The following GPATCH11 variants were observed in gnomAD, a reference collection of about 807,000 sequenced individuals.
GPATCH11 encodes G-patch domain containing 11.
GPATCH11 carries 32 observed loss-of-function variants against 44.8 expected under a neutral mutation model. That is an observed-to-expected ratio of 0.71 (90% CI 0.54 to 0.96). The LOEUF (loss-of-function observed/expected upper bound fraction) is 0.96. GPATCH11 is among the 40% of genes least tolerant of loss of function. The pLI, the probability that GPATCH11 is intolerant of heterozygous loss-of-function variation, is 0.00. For missense variants in GPATCH11, 324 were observed against 303.1 expected (o/e 1.07, Z -0.51); for synonymous variants, 84 against 94.4 (o/e 0.89, Z 0.64).
chr2:37,088,644 G>A (rs1237262098), intron 2 of GPATCH11, among the ~76,000 whole-genome samples: 1 of 152,118 alleles, frequency 6.6e-6, no homozygotes, highest in Non-Finnish European at 1.5e-5. Flanking sequence ...GGCCTCCCGA[G>A]TAGTTGGGAC....
rs1467294352 is a variant in GPATCH11, at chr2:37,097,842, C to T, written c.*1579C>T. ...ATTCTGATGCCATTAGTCACTGTGACTTGGGCATCACTGCCCTTGATTCTA... is the reference window on the plus strand; with the variant it reads ...ATTCTGATGCCATTAGTCACTGTGATTTGGGCATCACTGCCCTTGATTCTA... On this transcript the variant is annotated 3_prime_UTR_variant, in exon 9 of 9. Coordinates refer to ENST00000674370, the MANE Select transcript of GPATCH11 (RefSeq NM_174931.4). 1 of 152,186 alleles carries T rather than the reference C, an allele frequency of 6.6e-6. No individual in the cohort carries two copies. The highest frequency in any genetic ancestry group is 2.4e-5 in the African/African-American group (1 of 41,440). 9.4% of individuals were successfully genotyped at this position (152,186 alleles called of 1,614,324 possible). A position where few individuals can be genotyped will look rare whatever the true frequency, so the allele number is the denominator to read the frequency against.
At chr2:37,089,589 A>AT in intron 2 of GPATCH11, 51 bp from the exon 3 acceptor site, 1 of 1,267,938 alleles carries the variant, frequency 7.9e-7, no homozygotes, top group Non-Finnish European at 1.1e-6. Flanking sequence ...AAAAAAAAAA[A>AT]GAAAAGAAAA....
rs1268075063 is a variant in GPATCH11 at position 37,095,575 on chromosome 2, TAA to T, written c.736+59_736+60del. On this transcript the variant is annotated intron_variant, in intron 8 of 8. Transcript: ENST00000674370. ...AGATGAATGCTCTCCAATTTTTAGT[TAA>T]AGTCATTTCCCACTGACAATGGAAA... is the stretch of plus-strand genomic sequence containing the variant. 27 of 1,466,602 alleles carry T rather than the reference TAA, an allele frequency of 1.8e-5. 1 individual carries two copies. The East Asian group carries it at 6.7e-4, about 36-fold the overall frequency. The allele number at this position is 1,466,602 out of a possible 1,614,324, so 90.8% of individuals were successfully genotyped here. A position where few individuals can be genotyped will look rare whatever the true frequency, so the allele number is the denominator to read the frequency against.
chr2:37,091,943 CATT>C lies in GPATCH11; in HGVS notation c.358_360del (p.Leu120del). 6.2e-7 allele frequency: 1 copy of C among 1,612,256 alleles called. No homozygotes were observed. Among genetic ancestry groups the C allele is most frequent in the Non-Finnish European group, 8.5e-7 (1 of 1,178,750 alleles). On this transcript the variant is annotated inframe_deletion, in exon 5 of 9. Transcript: ENST00000674370. ...AAAAGTGGCATTGGTCATGAGGCATCATTAAAACGGAAAGCAGAGGAAAAATTG... is the reference window on the plus strand; with the variant it reads ...AAAAGTGGCATTGGTCATGAGGCATCAAAACGGAAAGCAGAGGAAAAATTG...
At chr2:37,086,923 A>T (rs1247898967) in intron 1 of GPATCH11, among the ~76,000 whole-genome samples, 1 of 152,200 alleles carries the variant, frequency 6.6e-6, no homozygotes, top group African/African-American at 2.4e-5. Flanking sequence ...TAATGCAGAA[A>T]TGTATTAGTC....
chr2:37,089,991 T>C (rs1311953247), intron 3 of GPATCH11, 125 bp downstream of exon 3: 1 of 704,490 alleles, frequency 1.4e-6, no homozygotes, highest in Non-Finnish European at 2.4e-6. Flanking sequence ...CTTTTTAGTC[T>C]ATTATGTATT....
rs867631775 is a variant in GPATCH11 at position 37,096,506 on chromosome 2, G to C, written c.*243G>C. Reference sequence around the variant, plus strand: ...ACAATTTATTGCTATATTGTGATACGTGAGGGGTTTAAGGACACCAACAGG... The same window carrying C: ...ACAATTTATTGCTATATTGTGATACCTGAGGGGTTTAAGGACACCAACAGG... On this transcript the variant is annotated 3_prime_UTR_variant, in exon 9 of 9. Coordinates refer to ENST00000674370, the MANE Select transcript of GPATCH11 (RefSeq NM_174931.4). The C allele has an allele frequency of 2.5e-5, 11 of 442,090 alleles. No individual in the cohort carries two copies. The highest frequency in any genetic ancestry group is 1.9e-4 in the African/African-American group (9 of 48,068). The allele number at this position is 442,090 out of a possible 1,614,324, so 27.4% of individuals were successfully genotyped here.
chr2:37,086,290 G>A (rs895110246), intron 1 of GPATCH11, among the ~76,000 whole-genome samples: 5 of 152,164 alleles, frequency 3.3e-5, no homozygotes, highest in African/African-American at 4.8e-5. Flanking sequence ...TTTTCTGTAC[G>A]TATTTAAAAA....
At chr2:37,084,875 ACCTACT>A (rs1462392467) in intron 1 of GPATCH11, among the ~76,000 whole-genome samples, 2 of 151,882 alleles carry the variant, frequency 1.3e-5, no homozygotes, top group African/African-American at 2.4e-5. Flanking sequence ...ACAAAAACAA[ACCTACT>A]CCTACAGTCT....
chr2:37,098,630 G>A lies in GPATCH11; in HGVS notation c.*2367G>A, dbSNP rs1269522947. 1 of 152,244 alleles carries A rather than the reference G, an allele frequency of 6.6e-6. No homozygotes were observed. The highest frequency in any genetic ancestry group is 1.9e-4 in the East Asian group (1 of 5,202). 9.4% of individuals were successfully genotyped at this position (152,244 alleles called of 1,614,324 possible). ...CATGACAATTATGCTGAGAATGCCA[G>A]GATAACACTGATGGAACCCATGACT... On this transcript the variant is annotated 3_prime_UTR_variant, in exon 9 of 9. Coordinates refer to ENST00000674370, the MANE Select transcript of GPATCH11 (RefSeq NM_174931.4).
At position 37,099,151 on chromosome 2, in the gene GPATCH11, T is replaced by A. The variant is rs1453398304; in HGVS notation, c.*2888T>A. 1 of 152,222 alleles carries A rather than the reference T, an allele frequency of 6.6e-6. No homozygotes were observed. Among genetic ancestry groups the A allele is most frequent in the Non-Finnish European group, 1.5e-5 (1 of 68,034 alleles). The allele number at this position is 152,222 out of a possible 1,614,324, so 9.4% of individuals were successfully genotyped here. On this transcript the variant is annotated 3_prime_UTR_variant, in exon 9 of 9. Coordinates refer to ENST00000674370, the MANE Select transcript of GPATCH11 (RefSeq NM_174931.4). ...ATTCTAAAATGTCTAATTTTCTTAA[T>A]TAAAAATCCAGAATTCTGTAGTTTC...
rs1672877315 is a variant in GPATCH11, at chr2:37,084,575, G to C, written c.-14+5G>C. ...GGGCGAGCAGAGAGCTGTCAGGTAAGAGAGCTGTCAGGTAAGGGTCTGGGG... is the reference window on the plus strand; with the variant it reads ...GGGCGAGCAGAGAGCTGTCAGGTAACAGAGCTGTCAGGTAAGGGTCTGGGG... On this transcript the variant is annotated splice_donor_5th_base_variant and intron_variant, in intron 1 of 8. Coordinates refer to ENST00000674370, the MANE Select transcript of GPATCH11 (RefSeq NM_174931.4). 1 of 1,232,360 alleles carries C rather than the reference G, an allele frequency of 8.1e-7. No homozygotes were observed. Among genetic ancestry groups the C allele is most frequent in the Admixed American group, 4.2e-5 (1 of 23,728 alleles). 76.3% of individuals were successfully genotyped at this position (1,232,360 alleles called of 1,614,324 possible).
In GPATCH11 at chr2:37,094,195, C is replaced by G; in HGVS notation, c.654C>G (p.Ser218Arg). The G allele has an allele frequency of 6.6e-7, 1 of 1,517,206 alleles. No homozygotes were observed. Among genetic ancestry groups the G allele is most frequent in the Non-Finnish European group, 9.0e-7 (1 of 1,114,632 alleles). 94.0% of individuals were successfully genotyped at this position (1,517,206 alleles called of 1,614,324 possible). A position where few individuals can be genotyped will look rare whatever the true frequency, so the allele number is the denominator to read the frequency against. ...DEDEYKSEDLSVLEKLQILTS... is the reference protein window; with the variant it reads ...DEDEYKSEDLRVLEKLQILTS... The stretch of plus-strand genomic sequence containing the variant: ...ATGAATATAAGAGTGAAGATTTAAG[C>G]GTATGCTTTGCACCATTTCCTTCAT... The change falls in exon 7 of 9, where the codon AGC becomes AGG. Residue 218 changes from serine to arginine, a missense_variant and splice_region_variant. By Grantham distance (110) the Ser-to-Arg change is moderately radical (BLOSUM62 -1). Coordinates refer to ENST00000674370, the MANE Select transcript of GPATCH11 (RefSeq NM_174931.4).
chr2:37,091,896 A>G lies in GPATCH11; in HGVS notation c.329-20A>G. The G allele has an allele frequency of 6.2e-7, 1 of 1,602,890 alleles. No homozygotes were observed. The highest frequency in any genetic ancestry group is 8.5e-7 in the Non-Finnish European group (1 of 1,173,520). ...GCACAAAGTCAGGATGTTTCTCATC[A>G]GAATTTTCTGTTTGAATAGGGAAAA... On this transcript the variant is annotated intron_variant, in intron 4 of 8. Transcript: ENST00000674370.
At chr2:37,089,518 G>A in intron 2 of GPATCH11, 122 bp from the exon 3 acceptor site, 1 of 728,086 alleles carries the variant, frequency 1.4e-6, no homozygotes, top group Non-Finnish European at 2.2e-6. Flanking sequence ...AGTGAGCCAA[G>A]ATTATGCCAT....
chr2:37,087,178 C>T (rs1673089774), intron 1 of GPATCH11, among the ~76,000 whole-genome samples: 2 of 152,202 alleles, frequency 1.3e-5, no homozygotes. Context: ...CTGGCTGGGT[C>T]ATCTCGTCCC....
intron 1 of GPATCH11, among the ~76,000 whole-genome samples, chr2:37,086,564 T>C (rs1396037147): frequency 1.3e-5 from 2 of 152,020 alleles, no homozygotes; most frequent in African/African-American, 4.8e-5. Flanking sequence ...GGAGACCGAG[T>C]GAGGCAGGTG....
chr2:37,089,876 A>C lies in GPATCH11; in HGVS notation c.286+10A>C. ...GCACTTGGCAAGAGTGGTAAGTCAC[A>C]TGTGGAAATAAACAGGTATTCCTTA... On this transcript the variant is annotated intron_variant, in intron 3 of 8. Coordinates refer to ENST00000674370, the MANE Select transcript of GPATCH11 (RefSeq NM_174931.4). 1 of 1,533,772 alleles carries C rather than the reference A, an allele frequency of 6.5e-7. No homozygotes were observed. The highest frequency in any genetic ancestry group is 1.2e-5 in the South Asian group (1 of 83,684).
In GPATCH11 at chr2:37,099,111, A is replaced by T. The variant is rs2148655860; in HGVS notation, c.*2848A>T. The T allele has an allele frequency of 6.6e-6, 1 of 152,318 alleles. No individual in the cohort carries two copies. Among genetic ancestry groups the T allele is most frequent in the East Asian group, 1.9e-4 (1 of 5,188 alleles). 9.4% of individuals were successfully genotyped at this position (152,318 alleles called of 1,614,324 possible). A position where few individuals can be genotyped will look rare whatever the true frequency, so the allele number is the denominator to read the frequency against. ...GTATATTGTGCCATGTTTATTTTCA[A>T]AGTCCTATCTAGAAATTCTAAAATG... On this transcript the variant is annotated 3_prime_UTR_variant, in exon 9 of 9. Coordinates refer to ENST00000674370, the MANE Select transcript of GPATCH11 (RefSeq NM_174931.4).
Sources: gnomAD v4.1 joint callset for allele counts (sites outside exome capture counted in the v4.1 genomes callset) on GRCh38, gnomAD v4.1.1 for gene constraint, MANE v1.5 for transcripts, NCBI Gene and HGNC (gene_info 2026-07-23, HGNC 2026-07-21) for gene names.